The following MSI2 variants were observed in gnomAD, a reference collection of about 807,000 sequenced individuals.
The protein encoded by MSI2 is musashi RNA binding protein 2.
Under a neutral mutation model 45.6 loss-of-function variants are expected in MSI2, and 17 were observed. The observed-to-expected ratio is 0.37, with a 90% CI of 0.26 to 0.56. MSI2 has a LOEUF of 0.56. Among genes scored for constraint, MSI2 ranks in the 20% least tolerant of loss-of-function variants. The pLI, the probability that MSI2 is intolerant of heterozygous loss-of-function variation, is 0.77. For synonymous variants in MSI2, 156 were observed against 158.2 expected (o/e 0.99, Z 0.11); for missense variants, 293 against 444.2 (o/e 0.66, Z 3.06).
intron 5 of MSI2, among the ~76,000 whole-genome samples, chr17:57,366,365 C>G (rs1917193084): frequency 6.6e-6 from 1 of 152,218 alleles, no homozygotes; most frequent in Non-Finnish European, 1.5e-5. Flanking sequence ...CGCCTCTTCC[C>G]TCCCCTGAAG....
intron 6 of MSI2, among the ~76,000 whole-genome samples, chr17:57,443,088 CTG>C (rs1355313816): frequency 6.6e-6 from 1 of 152,136 alleles, no homozygotes; most frequent in African/African-American, 2.4e-5. Flanking sequence ...TGGCTGATGT[CTG>C]TGCCTGTCTG....
the MSI2 span, among the ~76,000 whole-genome samples, chr17:57,699,491 T>C: frequency 6.6e-6 from 1 of 152,052 alleles, no homozygotes; most frequent in African/African-American, 2.4e-5. Flanking sequence ...TCTGCCTCCC[T>C]CAAGTCTGAG....
intron 5 of MSI2, among the ~76,000 whole-genome samples, chr17:57,332,931 A>G (rs1384610694): frequency 1.3e-5 from 2 of 152,180 alleles, no homozygotes; most frequent in African/African-American, 2.4e-5. Flanking sequence ...AGGCTGAGGC[A>G]GGAGAATCGC....
intron 10 of MSI2, among the ~76,000 whole-genome samples, chr17:57,651,779 A>G (rs575498891): frequency 6.6e-6 from 1 of 152,340 alleles, no homozygotes; most frequent in East Asian, 1.9e-4. Context: ...CACTGTGTCG[A>G]TGCACGGCCA....
intron 5 of MSI2, among the ~76,000 whole-genome samples, chr17:57,398,120 A>T (rs8070355): frequency 0.84 from 128,271 of 152,208 alleles, 54,299 homozygotes; most frequent in East Asian, 0.97. Flanking sequence ...TGGAGGGTGT[A>T]TGAAGAGATA....
intron 5 of MSI2, among the ~76,000 whole-genome samples, chr17:57,293,373 T>A (rs1910608817): frequency 6.6e-6 from 1 of 152,080 alleles, no homozygotes. Flanking sequence ...CCCACGGGGC[T>A]GTCAGGTTGA....
chr17:57,457,705 G>A (rs992122483), intron 6 of MSI2, among the ~76,000 whole-genome samples: 8 of 151,366 alleles, frequency 5.3e-5, no homozygotes, highest in Non-Finnish European at 1.0e-4. Context: ...GACCAGCCTG[G>A]GCAACATAGC....
At chr17:57,404,033 G>A (rs1379953022) in intron 6 of MSI2, among the ~76,000 whole-genome samples, 1 of 152,148 alleles carries the variant, frequency 6.6e-6, no homozygotes, top group Non-Finnish European at 1.5e-5. Flanking sequence ...GTATGAAATT[G>A]TTTTTGACTC....
chr17:57,531,868 C>A (rs2086828336), intron 7 of MSI2: 2 of 152,288 alleles, frequency 1.3e-5, no homozygotes, highest in African/African-American at 4.8e-5. Flanking sequence ...TTAACCAGAT[C>A]CCTGTTGCTG....
At chr17:57,623,746 G>A (rs977813742) in intron 9 of MSI2, among the ~76,000 whole-genome samples, 4 of 152,202 alleles carry the variant, frequency 2.6e-5, no homozygotes, top group Non-Finnish European at 4.4e-5. Context: ...TTGACGGAGC[G>A]TCTGCACGGG....
rs764936146 is a variant in MSI2 at position 57,262,138 on chromosome 17, T to C, written c.271-13T>C. Reference sequence around the variant, plus strand: ...TACTTTATTGACTCCTGCTTTTCTATTTTTTTTCCCAGATTGACCCCAAAG... The same window carrying C: ...TACTTTATTGACTCCTGCTTTTCTACTTTTTTTCCCAGATTGACCCCAAAG... On this transcript the variant is annotated splice_polypyrimidine_tract_variant and intron_variant, in intron 4 of 13. Transcript: ENST00000284073. 3 of 1,604,586 alleles carry C rather than the reference T, an allele frequency of 1.9e-6. No individual in the cohort carries two copies. In the South Asian group the frequency reaches 3.3e-5, roughly 18 times the overall value.
chr17:57,460,848 G>C (rs1009370154), intron 6 of MSI2, among the ~76,000 whole-genome samples: 28 of 152,268 alleles, frequency 1.8e-4, no homozygotes, highest in African/African-American at 6.5e-4. Flanking sequence ...AAATGGCAGA[G>C]TGTGTTCTGA....
intron 6 of MSI2, among the ~76,000 whole-genome samples, chr17:57,501,553 G>A (rs1390888294): frequency 6.6e-6 from 1 of 152,168 alleles, no homozygotes; most frequent in Non-Finnish European, 1.5e-5. Context: ...GTGGTTCTGC[G>A]CACAGAATAT....
At chr17:57,606,391 G>A (rs1283803824) in intron 8 of MSI2, 2 of 152,310 alleles carry the variant, frequency 1.3e-5, no homozygotes, top group African/African-American at 4.8e-5. Flanking sequence ...GAGGTGCAAA[G>A]AAGTTAGTCA....
At chr17:57,293,587 G>GTTTTTTTTTTTTTTTT (rs769797340) in intron 5 of MSI2, among the ~76,000 whole-genome samples, 1 of 65,374 alleles carries the variant, frequency 1.5e-5, no homozygotes, top group African/African-American at 3.4e-5. Flanking sequence ...GTGCTTTATT[G>GTTTTTTTTTTTTTTTT]TTTTTTTGTT....
At chr17:57,287,131 G>T (rs6503805) in intron 5 of MSI2, among the ~76,000 whole-genome samples, 86,456 of 146,734 alleles carry the variant, frequency 0.59, 26,107 homozygotes, top group Middle Eastern at 0.7. Context: ...TCAAAAAGTT[G>T]TTTTTTTTTT....
intron 7 of MSI2, among the ~76,000 whole-genome samples, chr17:57,585,147 G>A (rs1451730728): frequency 2.0e-5 from 3 of 152,076 alleles, no homozygotes; most frequent in African/African-American, 4.8e-5. Context: ...AAAGTAACAA[G>A]GTGACCTAGG....
At chr17:57,515,423 G>A (rs796232268) in intron 6 of MSI2, among the ~76,000 whole-genome samples, 8 of 152,106 alleles carry the variant, frequency 5.3e-5, no homozygotes, top group Admixed American at 2.6e-4. Context: ...CAGGCTGGTC[G>A]TGAACTCCTG....
intron 6 of MSI2, among the ~76,000 whole-genome samples, chr17:57,483,730 G>A (rs114524342): frequency 0.026 from 3,995 of 152,270 alleles, 162 homozygotes; most frequent in African/African-American, 0.09. Context: ...GAAACTACAC[G>A]CTGGATTCAG....
Sources: allele counts gnomAD v4.1 joint callset (sites outside exome capture counted in the v4.1 genomes callset), GRCh38; gene constraint gnomAD v4.1.1; transcripts MANE v1.5; gene names NCBI Gene and HGNC (gene_info 2026-07-23, HGNC 2026-07-21).